The following LVRN variants were observed in gnomAD, a reference collection of about 807,000 sequenced individuals.
LVRN encodes aminopeptidase Q.
Under a neutral mutation model 111.4 loss-of-function variants are expected in LVRN, and 99 were observed. The ratio of observed to expected loss-of-function variants is 0.89; its 90% CI spans 0.76 to 1.05. The LOEUF (loss-of-function observed/expected upper bound fraction) is 1.05, where lower values mean the gene tolerates loss of function less well. Among genes scored for constraint, LVRN ranks in the 50% least tolerant of loss-of-function variants. The pLI is 0.00. For synonymous variants in LVRN, 488 were observed against 449.5 expected (o/e 1.09, Z -1.08); for missense variants, 1,414 against 1,206.8 (o/e 1.17, Z -2.54).
At chr5:116,008,190 A>C (rs1390224908) in intron 13 of LVRN, among the ~76,000 whole-genome samples, 3 of 152,040 alleles carry the variant, frequency 2.0e-5, no homozygotes, top group Admixed American at 6.6e-5. Context: ...AAAATACAAA[A>C]AAAATCAGCC....
At chr5:115,987,994 G>A (rs35321827) in intron 4 of LVRN, 55 bp downstream of exon 4, 408,975 of 1,573,930 alleles carry the variant, frequency 0.26, 54,876 homozygotes, top group Non-Finnish European at 0.27. Flanking sequence ...TGGGCCCTTG[G>A]TTGAGGCCTC....
chr5:116,022,534 G>A, intron 19 of LVRN, 68 bp downstream of exon 19: 3 of 1,064,816 alleles, frequency 2.8e-6, no homozygotes, highest in Non-Finnish European at 4.2e-6. Flanking sequence ...ATTTGGACTT[G>A]CTAAAATTAA....
intron 14 of LVRN, among the ~76,000 whole-genome samples, chr5:116,011,540 G>A (rs1748489812): frequency 2.0e-5 from 3 of 152,068 alleles, no homozygotes; most frequent in Non-Finnish European, 4.4e-5. Context: ...GGGGAGTTAG[G>A]GGTCACACAA....
chr5:115,998,451 G>A (rs1019021119), intron 6 of LVRN, among the ~76,000 whole-genome samples: 1 of 152,134 alleles, frequency 6.6e-6, no homozygotes, highest in African/African-American at 2.4e-5. Context: ...TAGTACATAG[G>A]AAAAAGGATG....
At chr5:116,015,095 G>C (rs1322450208) in intron 16 of LVRN, among the ~76,000 whole-genome samples, 157 bp from the exon 17 acceptor site, 1 of 152,036 alleles carries the variant, frequency 6.6e-6, no homozygotes, top group Non-Finnish European at 1.5e-5. Flanking sequence ...TGGAACTAAT[G>C]CTAATGACAG....
At chr5:116,008,778 G>A (rs1226166676) in intron 13 of LVRN, among the ~76,000 whole-genome samples, 1 of 152,166 alleles carries the variant, frequency 6.6e-6, no homozygotes, top group Non-Finnish European at 1.5e-5. Context: ...TGCAGGAAAA[G>A]GTGCTAGTTT....
chr5:116,026,237 T>A lies in LVRN; in HGVS notation c.*119T>A. 7.0e-7 allele frequency: 1 copy of A among 1,423,656 alleles called. No homozygotes were observed. Among genetic ancestry groups the A allele is most frequent in the Non-Finnish European group, 9.6e-7 (1 of 1,045,060 alleles). The allele number at this position is 1,423,656 out of a possible 1,614,324, so 88.2% of individuals were successfully genotyped here. A position where few individuals can be genotyped will look rare whatever the true frequency, so the allele number is the denominator to read the frequency against. Reference sequence around the variant, plus strand: ...CATTTTATTTGTATTTCAGTCACATTTATTACTCAGAGTGCCATTCTTCTC... The same window carrying A: ...CATTTTATTTGTATTTCAGTCACATATATTACTCAGAGTGCCATTCTTCTC... On this transcript the variant is annotated 3_prime_UTR_variant, in exon 20 of 20. Coordinates refer to ENST00000357872, the MANE Select transcript of LVRN (RefSeq NM_173800.5).
chr5:116,007,752 T>G (rs1290556765), intron 13 of LVRN, among the ~76,000 whole-genome samples: 1 of 152,170 alleles, frequency 6.6e-6, no homozygotes, highest in East Asian at 1.9e-4. Context: ...TAACTCTGAG[T>G]CAAGCAAGTC....
chr5:116,000,952 A>G, intron 9 of LVRN, 115 bp from the exon 10 acceptor site: 1 of 1,192,020 alleles, frequency 8.4e-7, no homozygotes, highest in Non-Finnish European at 1.2e-6. Flanking sequence ...CACCCACTGC[A>G]GGACTACTAC....
chr5:116,025,181 T>C (rs1282085900), intron 19 of LVRN, among the ~76,000 whole-genome samples: 2 of 152,068 alleles, frequency 1.3e-5, no homozygotes, highest in Non-Finnish European at 2.9e-5. Context: ...GGGGGAGGAT[T>C]GTTCCTGGCT....
chr5:116,003,487 C>A, intron 12 of LVRN, 107 bp downstream of exon 12: 1 of 679,496 alleles, frequency 1.5e-6, no homozygotes, highest in Non-Finnish European at 2.2e-6. Context: ...TCATTCCCGC[C>A]CCTCACCTCC....
At chr5:115,980,352 G>A (rs1753537079) in intron 1 of LVRN, among the ~76,000 whole-genome samples, 1 of 151,926 alleles carries the variant, frequency 6.6e-6, no homozygotes, top group African/African-American at 2.4e-5. Flanking sequence ...TTGCAGTTAA[G>A]GTTGAGAGCC....
chr5:116,022,583 C>T (rs974753334), intron 19 of LVRN, 117 bp downstream of exon 19: 4 of 726,156 alleles, frequency 5.5e-6, no homozygotes, highest in Non-Finnish European at 9.5e-6. Context: ...TTCTATGCTT[C>T]TATTGGTGCT....
At chr5:116,000,362 A>G (rs971949261) in intron 7 of LVRN, 71 bp from the exon 8 acceptor site, 24 of 1,561,232 alleles carry the variant, frequency 1.5e-5, no homozygotes, top group Middle Eastern at 1.7e-4. Flanking sequence ...AATATTGCTT[A>G]TAAATATGGA....
chr5:116,009,608 A>T (rs1276307235), intron 13 of LVRN, among the ~76,000 whole-genome samples: 1 of 152,172 alleles, frequency 6.6e-6, no homozygotes, highest in Non-Finnish European at 1.5e-5. Flanking sequence ...AGGAGTTTTG[A>T]AGAAGTTTTC....
chr5:116,003,586 TG>T (rs1162199491), intron 12 of LVRN, among the ~76,000 whole-genome samples: 27 of 89,620 alleles, frequency 3.0e-4, no homozygotes, highest in East Asian at 2.5e-3. Flanking sequence ...TTGTTTTTTT[TG>T]TTTTTTTTTT....
In LVRN at chr5:116,002,926, T is replaced by A. The variant is rs1748267283; in HGVS notation, c.1897+15T>A. 6.4e-7 allele frequency: 1 copy of A among 1,560,646 alleles called. No individual in the cohort carries two copies. ...TCAAAGCAGCAGTAAGTAACAAATT[T>A]TAAAAACATCTTTATATATATGCAT... On this transcript the variant is annotated intron_variant, in intron 11 of 19. Transcript: ENST00000357872.
At chr5:115,972,536 G>C (rs1753349686) in intron 1 of LVRN, among the ~76,000 whole-genome samples, 1 of 151,520 alleles carries the variant, frequency 6.6e-6, no homozygotes, top group African/African-American at 2.4e-5. Context: ...ATACTGTCTT[G>C]AATAAAGACA....
Position 116,023,770 on chromosome 5 carries a change from G to C in LVRN, c.2832+1304G>C, listed in dbSNP as rs932231272. Reference sequence around the variant, plus strand: ...CATAGGTAAAATTAGAAAGATTTATGGTACCAAATGGTGGCAAAGATAGGG... The same window carrying C: ...CATAGGTAAAATTAGAAAGATTTATCGTACCAAATGGTGGCAAAGATAGGG... On this transcript the variant is annotated intron_variant, in intron 19 of 19. Coordinates refer to ENST00000357872, the MANE Select transcript of LVRN (RefSeq NM_173800.5). 2.6e-5 allele frequency: 4 copies of C among 152,150 alleles called. No individual in the cohort carries two copies. The South Asian group carries it at 8.3e-4, about 32-fold the overall frequency. 9.4% of individuals were successfully genotyped at this position (152,150 alleles called of 1,614,324 possible).
Sources: gnomAD v4.1 joint callset for allele counts (sites outside exome capture counted in the v4.1 genomes callset) on GRCh38, gnomAD v4.1.1 for gene constraint, MANE v1.5 for transcripts, NCBI Gene and HGNC (gene_info 2026-07-23, HGNC 2026-07-21) for gene names.